Variants in ANKS1B observed in about 807,000 individuals in gnomAD.
The protein encoded by ANKS1B is ankyrin repeat and sterile alpha motif domain containing 1B, also known as ankyrin repeat and sterile alpha motif domain-containing protein 1B.
ANKS1B carries 36 observed loss-of-function variants against 148.3 expected under a neutral mutation model. That is an observed-to-expected ratio of 0.24 (90% CI 0.19 to 0.32). ANKS1B has a LOEUF of 0.32. Among genes scored for constraint, ANKS1B ranks in the 10% least tolerant of loss-of-function variants. The pLI is 1.00. For missense variants in ANKS1B, 1,157 were observed against 1,542.6 expected (o/e 0.75, Z 4.19); for synonymous variants, 542 against 560.8 (o/e 0.97, Z 0.47).
intron 18 of ANKS1B, among the ~76,000 whole-genome samples, chr12:98,830,410 C>T (rs1340370098): frequency 2.0e-5 from 3 of 152,118 alleles, no homozygotes; most frequent in Admixed American, 2.0e-4. Flanking sequence ...GTAGTCCCTA[C>T]CCATCCCACT....
At chr12:99,133,417 T>TA (rs1017861884) in intron 15 of ANKS1B, among the ~76,000 whole-genome samples, 1 of 152,110 alleles carries the variant, frequency 6.6e-6, no homozygotes, top group Non-Finnish European at 1.5e-5. Context: ...AACCCCTTCA[T>TA]AAAAAATAAG....
At chr12:99,310,767 C>A (rs1217723093) in intron 12 of ANKS1B, among the ~76,000 whole-genome samples, 30 of 152,154 alleles carry the variant, frequency 2.0e-4, no homozygotes, top group Admixed American at 2.0e-3. Context: ...CAATTCCTTA[C>A]AATAAATCTA....
intron 15 of ANKS1B, among the ~76,000 whole-genome samples, chr12:99,092,077 C>T (rs112046431): frequency 0.02 from 3,089 of 152,226 alleles, 40 homozygotes; most frequent in African/African-American, 0.027. Flanking sequence ...CTAATCTTCC[C>T]TGCTTTGCTC....
downstream of ANKS1B, among the ~76,000 whole-genome samples, chr12:98,743,651 C>CCAAA (rs1474578350): frequency 6.6e-6 from 1 of 152,194 alleles, no homozygotes; most frequent in East Asian, 1.9e-4. Context: ...TAATGTTTTT[C>CCAAA]CAAACATACC....
At chr12:99,223,797 C>T (rs2085476291) in intron 14 of ANKS1B, among the ~76,000 whole-genome samples, 1 of 152,150 alleles carries the variant, frequency 6.6e-6, no homozygotes, top group African/African-American at 2.4e-5. Flanking sequence ...CCCAACCAGC[C>T]AGCTGTTAGT....
At chr12:99,036,887 A>G (rs1156531919) in intron 17 of ANKS1B, among the ~76,000 whole-genome samples, 1 of 152,224 alleles carries the variant, frequency 6.6e-6, no homozygotes, top group East Asian at 1.9e-4. Context: ...GGAAATGTTC[A>G]ATCTGTGTGA....
intron 17 of ANKS1B, among the ~76,000 whole-genome samples, chr12:99,047,410 A>G (rs1166833336): frequency 6.6e-6 from 1 of 152,236 alleles, no homozygotes; most frequent in Non-Finnish European, 1.5e-5. Flanking sequence ...AGAAAAACAA[A>G]AAAATTTAAG....
intron 9 of ANKS1B, among the ~76,000 whole-genome samples, chr12:99,616,784 G>T (rs2097968340): frequency 6.6e-6 from 1 of 152,098 alleles, no homozygotes; most frequent in South Asian, 2.1e-4. Context: ...AGCCAAAATT[G>T]ACAAATAGGA....
intron 17 of ANKS1B, among the ~76,000 whole-genome samples, chr12:98,852,755 C>T (rs907753216): frequency 6.6e-6 from 1 of 152,106 alleles, no homozygotes; most frequent in African/African-American, 2.4e-5. Context: ...TTTTTCCCCC[C>T]CTCCATCCAT....
intron 17 of ANKS1B, among the ~76,000 whole-genome samples, chr12:98,876,662 TG>T (rs1352896032): frequency 6.6e-6 from 1 of 152,208 alleles, no homozygotes; most frequent in African/African-American, 2.4e-5. Flanking sequence ...TGGTTATCTT[TG>T]GGTTTCTTTT....
intron 9 of ANKS1B, among the ~76,000 whole-genome samples, chr12:99,612,057 T>C (rs932314482): frequency 5.9e-5 from 9 of 152,016 alleles, no homozygotes; most frequent in South Asian, 2.1e-4. Flanking sequence ...TAGAGCAAAA[T>C]TGTCAGTTAA....
chr12:99,545,087 T>C (rs558958152), intron 9 of ANKS1B, among the ~76,000 whole-genome samples: 1 of 152,138 alleles, frequency 6.6e-6, no homozygotes, highest in African/African-American at 2.4e-5. Flanking sequence ...AATTCTAAGA[T>C]ATGATTAATT....
chr12:99,423,302 C>T (rs1315608891), intron 11 of ANKS1B, among the ~76,000 whole-genome samples: 2 of 152,098 alleles, frequency 1.3e-5, no homozygotes, highest in Non-Finnish European at 2.9e-5. Context: ...TCACACCAGT[C>T]AGAATGACTA....
At chr12:99,109,821 C>T (rs1384903545) in intron 15 of ANKS1B, among the ~76,000 whole-genome samples, 1 of 152,190 alleles carries the variant, frequency 6.6e-6, no homozygotes, top group Non-Finnish European at 1.5e-5. Flanking sequence ...TTTCCATCTA[C>T]AGCCTCTTAC....
At chr12:99,216,329 A>G (rs1453428412) in intron 14 of ANKS1B, among the ~76,000 whole-genome samples, 3 of 152,312 alleles carry the variant, frequency 2.0e-5, no homozygotes, top group African/African-American at 7.2e-5. Flanking sequence ...ACACCCTGGG[A>G]CCCTGGGCAT....
At chr12:99,788,213 C>CAAGGG (rs2065208457) in intron 4 of ANKS1B, among the ~76,000 whole-genome samples, 1 of 152,208 alleles carries the variant, frequency 6.6e-6, no homozygotes, top group Non-Finnish European at 1.5e-5. Flanking sequence ...TTCACAACAA[C>CAAGGG]AAAAGTAACT....
intron 1 of ANKS1B, among the ~76,000 whole-genome samples, chr12:99,867,302 T>C (rs1440840899): frequency 1.3e-5 from 2 of 152,028 alleles, no homozygotes; most frequent in Non-Finnish European, 2.9e-5. Context: ...TTGCAACCCA[T>C]CCTATAAGAC....
intron 9 of ANKS1B, among the ~76,000 whole-genome samples, chr12:99,555,472 G>A (rs1338437434): frequency 1.3e-5 from 2 of 152,038 alleles, no homozygotes; most frequent in Non-Finnish European, 2.9e-5. Context: ...CTTCCAGTAC[G>A]ATATTGAATA....
In ANKS1B at chr12:99,420,067, C is replaced by T. The variant is rs564053078; in HGVS notation, c.1576-20256G>A. ...ATCCTACCTTTTTTTCATCTAAATC[C>T]TACAAAAACTCCACAGATGGGCAGA... On this transcript the variant is annotated intron_variant, in intron 11 of 26. Transcript: ENST00000683438. Among the ~76,000 whole-genome samples the T allele has an allele frequency of 2.6e-5, 4 of 152,074 alleles. No homozygotes were observed. The East Asian group carries it at 7.7e-4, about 29-fold the overall frequency.
Sources: allele counts gnomAD v4.1 joint callset (sites outside exome capture counted in the v4.1 genomes callset), GRCh38; gene constraint gnomAD v4.1.1; transcripts MANE v1.5; gene names NCBI Gene and HGNC (gene_info 2026-07-23, HGNC 2026-07-21).